Variants in PHF19 observed in about 807,000 individuals in gnomAD.
The protein encoded by PHF19 is PHD finger protein 19.
A neutral mutation model predicts 79.8 loss-of-function variants in PHF19; 21 were observed. The observed-to-expected ratio is 0.26, with a 90% CI of 0.19 to 0.38. The LOEUF (loss-of-function observed/expected upper bound fraction) is 0.38. Ranked by LOEUF, PHF19 falls within the 10% of genes least tolerant of loss-of-function variation. PHF19 has a pLI of 1.00. For synonymous variants in PHF19, 273 were observed against 296.3 expected, an observed-to-expected ratio of 0.92 and a Z score of 0.81; for missense variants, 445 against 744.2, an observed-to-expected ratio of 0.60 and a Z score of 4.68.
At chr9:120,875,979 C>A (rs1346461414) in intron 1 of PHF19, 1 of 152,644 alleles carries the variant, frequency 6.6e-6, no homozygotes, top group African/African-American at 2.4e-5. Flanking sequence ...GGCCATGGCG[C>A]TGGGCACCTG....
intron 6 of PHF19, among the ~76,000 whole-genome samples, chr9:120,867,717 CT>C (rs1249635513): frequency 6.6e-6 from 1 of 152,204 alleles, no homozygotes; most frequent in African/African-American, 2.4e-5. Flanking sequence ...GCTCATGGGC[CT>C]GAAGTTAAGG....
chr9:120,864,996 T>C (rs2045656729), intron 9 of PHF19, among the ~76,000 whole-genome samples: 1 of 152,180 alleles, frequency 6.6e-6, no homozygotes, highest in African/African-American at 2.4e-5. Flanking sequence ...ACTCTACGTA[T>C]CTTTTAAGGT....
At chr9:120,893,853 C>A (rs2046372004) in intron 1 of PHF19, among the ~76,000 whole-genome samples, 1 of 152,144 alleles carries the variant, frequency 6.6e-6, no homozygotes. Flanking sequence ...TCCCTAAGGG[C>A]CTAAAATTTA....
At chr9:120,877,542 G>A (rs938918998), upstream of PHF19, among the ~76,000 whole-genome samples, 6 of 151,892 alleles carry the variant, frequency 4.0e-5, no homozygotes, top group African/African-American at 1.4e-4. Context: ...GGAGACGCCA[G>A]GCAGCGCTCA....
At chr9:120,902,202 C>G in the PHF19 span, among the ~76,000 whole-genome samples, 2 of 152,156 alleles carry the variant, frequency 1.3e-5, no homozygotes, top group Non-Finnish European at 2.9e-5. Context: ...AGACTTCATC[C>G]TGATGCTCAG....
intron 3 of PHF19, among the ~76,000 whole-genome samples, chr9:120,873,593 T>C (rs2045964424): frequency 6.6e-6 from 1 of 152,246 alleles, no homozygotes; most frequent in Non-Finnish European, 1.5e-5. Flanking sequence ...CATCTAGAGC[T>C]GACAATTCTG....
At chr9:120,881,440 C>A (rs557534172), upstream of PHF19, among the ~76,000 whole-genome samples, 2 of 152,184 alleles carry the variant, frequency 1.3e-5, no homozygotes, top group South Asian at 4.1e-4. Context: ...AGTCACCGTG[C>A]CTGGCCCACA....
chr9:120,901,472 G>T, the PHF19 span, among the ~76,000 whole-genome samples: 1 of 152,176 alleles, frequency 6.6e-6, no homozygotes, highest in East Asian at 1.9e-4. Flanking sequence ...TGGGATTACA[G>T]GTGTGAGCCA....
intron 1 of PHF19, among the ~76,000 whole-genome samples, chr9:120,883,850 A>C (rs1290169596): frequency 6.6e-6 from 1 of 151,046 alleles, no homozygotes; most frequent in East Asian, 1.9e-4. Flanking sequence ...TAATTGTGGG[A>C]GGGTGTCGAG....
In PHF19 at chr9:120,869,353, G is replaced by A. The variant is rs1218867004; in HGVS notation, c.466-23C>T. 8 of 1,608,470 alleles carry A rather than the reference G, an allele frequency of 5.0e-6. No individual in the cohort carries two copies. The highest frequency in any genetic ancestry group is 5.9e-6 in the Non-Finnish European group (7 of 1,178,320). On this transcript the variant is annotated intron_variant, in intron 5 of 14. Transcript: ENST00000373896. This position sits in a 1 kb window ranked among gnomAD's most constrained non-coding sequence, Gnocchi z 5.8. Reference sequence around the variant, plus strand: ...TTTCTGGGGGGAGACGAGGGCCCCAGTCAACCACCAGGTCCGGGTGGACCA... The same window carrying A: ...TTTCTGGGGGGAGACGAGGGCCCCAATCAACCACCAGGTCCGGGTGGACCA...
intron 8 of PHF19, 88 bp downstream of exon 8, chr9:120,865,940 A>G: frequency 1.9e-6 from 3 of 1,582,614 alleles, no homozygotes; most frequent in South Asian, 1.1e-5. Flanking sequence ...GGGACCCAGT[A>G]GCTGGAAATG....
Position 120,887,323 on chromosome 9 carries a change from G to A in PHF19, c.42+7465C>T, listed in dbSNP as rs2900178. Among the ~76,000 whole-genome samples, 572 of 151,686 alleles carry A rather than the reference G, an allele frequency of 3.8e-3. 19 individuals are homozygous for A. Among genetic ancestry groups the A allele is most frequent in the Admixed American group, 0.035 (526 of 15,224 alleles). On this transcript the variant is annotated intron_variant, in intron 1 of 14. Transcript: ENST00000616568. ...TGCAAAATTAGCCAGTCGTGGTGGCGCGTGCCTGTAATCCCAGCTACTTGC... is the reference window on the plus strand; with the variant it reads ...TGCAAAATTAGCCAGTCGTGGTGGCACGTGCCTGTAATCCCAGCTACTTGC...
In PHF19 at chr9:120,889,815, A is replaced by AGAG. The variant is rs1564518990; in HGVS notation, c.42+4972_42+4973insCTC. Among the ~76,000 whole-genome samples, 94 of 100,750 alleles carry AGAG rather than the reference A, an allele frequency of 9.3e-4. 1 individual carries two copies. Among genetic ancestry groups the AGAG allele is most frequent in the African/African-American group, 3.6e-3 (92 of 25,678 alleles). 66.1% of individuals were successfully genotyped at this position (100,750 alleles called of 152,430 possible). A position where few individuals can be genotyped will look rare whatever the true frequency, so the allele number is the denominator to read the frequency against. The stretch of plus-strand genomic sequence containing the variant: ...AGAAAGGAAGAAAGAAAGAAAGAGA[A>AGAG]AGAAAAAAGAGAAAAAGAAAAAGAA... On this transcript the variant is annotated intron_variant, in intron 1 of 14. Coordinates refer to the PHF19 transcript ENST00000616568.
Position 120,862,887 on chromosome 9 carries a change from CT to C in PHF19, c.969-139del. On this transcript the variant is annotated intron_variant, in intron 10 of 14. Coordinates refer to ENST00000373896, the MANE Select transcript of PHF19 (RefSeq NM_015651.3). This position sits in a 1 kb window ranked among gnomAD's most constrained non-coding sequence, Gnocchi z 4.6. ...TCCGGATGGTCTCTGCAGATGCTGACTTCCTCAAAGCCCATGGGATGCGGGG... is the reference window on the plus strand; with the variant it reads ...TCCGGATGGTCTCTGCAGATGCTGACTCCTCAAAGCCCATGGGATGCGGGG... The C allele has an allele frequency of 1.3e-6, 1 of 778,124 alleles. No individual in the cohort carries two copies. Among genetic ancestry groups the C allele is most frequent in the African/African-American group, 1.7e-5 (1 of 58,434 alleles). 48.2% of individuals were successfully genotyped at this position (778,124 alleles called of 1,614,324 possible). A position where few individuals can be genotyped will look rare whatever the true frequency, so the allele number is the denominator to read the frequency against.
At chr9:120,863,670 C>A (rs1217182007) in intron 10 of PHF19, among the ~76,000 whole-genome samples, 2 of 152,112 alleles carry the variant, frequency 1.3e-5, no homozygotes, top group African/African-American at 4.8e-5. Flanking sequence ...GCTGTGTGTG[C>A]TGAGAACCCT....
rs980102060 is a variant in PHF19 at position 120,866,697 on chromosome 9, T to A, written c.710+173A>T. 6.6e-6 allele frequency among the ~76,000 whole-genome samples: 1 copy of A among 152,228 alleles called. No individual in the cohort carries two copies. Among genetic ancestry groups the A allele is most frequent in the Non-Finnish European group, 1.5e-5 (1 of 68,032 alleles). On this transcript the variant is annotated intron_variant, in intron 7 of 14. Transcript: ENST00000373896. This position sits in a 1 kb window ranked among gnomAD's most constrained non-coding sequence, Gnocchi z 5.2. ...ATACTTCTTTATTGCCTCCTGGCCCTGCATAGCTAGGGGATCCCCTACCTT... is the reference window on the plus strand; with the variant it reads ...ATACTTCTTTATTGCCTCCTGGCCCAGCATAGCTAGGGGATCCCCTACCTT...
At chr9:120,903,922 T>G in the PHF19 span, 4 of 152,238 alleles carry the variant, frequency 2.6e-5, no homozygotes, top group African/African-American at 9.7e-5. Flanking sequence ...CAAACCTGGC[T>G]CAGTACAAAC....
chr9:120,891,959 G>A lies in PHF19; in HGVS notation c.42+2829C>T, dbSNP rs2046348687. Among the ~76,000 whole-genome samples the A allele has an allele frequency of 6.6e-6, 1 of 152,186 alleles. No homozygotes were observed. The highest frequency in any genetic ancestry group is 2.4e-5 in the African/African-American group (1 of 41,444). ...AACCCCTGACGCCTTGCAGAGCCAG[G>A]TAGGAAAGTTCAAAGCAAAGAAAGG... On this transcript the variant is annotated intron_variant, in intron 1 of 14. Coordinates refer to the PHF19 transcript ENST00000616568. This position sits in a 1 kb window ranked among gnomAD's most constrained non-coding sequence, Gnocchi z 4.3.
chr9:120,874,729 C>A lies in PHF19; in HGVS notation c.13G>T (p.Ala5Ser). The change falls in exon 2 of 15, where the codon GCT (alanine) becomes TCT (serine). Residue 5 changes from alanine (A) to serine (S), a missense_variant. Around this residue, in one of 5 missense-constraint regions of PHF19, gnomAD observed 50 missense variants for 54.8 expected, o/e 0.91. Coordinates refer to ENST00000373896, the MANE Select transcript of PHF19 (RefSeq NM_015651.3). The surrounding 1 kb of genome is among the most constrained non-coding windows in gnomAD (Gnocchi z 4.5). ...GAGTCCCGAGTCCCTGGATCCAGAGCTCGATTCTCCATCAGCTTCCCCTGA... is the reference window on the plus strand; with the variant it reads ...GAGTCCCGAGTCCCTGGATCCAGAGATCGATTCTCCATCAGCTTCCCCTGA... MENR[A>S]LDPGTRDSYG... 6.2e-7 allele frequency: 1 copy of A among 1,613,036 alleles called. No homozygotes were observed. Among genetic ancestry groups the A allele is most frequent in the Non-Finnish European group, 8.5e-7 (1 of 1,179,174 alleles).
Sources: allele counts gnomAD v4.1 joint callset (sites outside exome capture counted in the v4.1 genomes callset), GRCh38; gene constraint gnomAD v4.1.1; regional missense constraint gnomAD v4.1.1; non-coding constraint Gnocchi (gnomAD v3.1); transcripts MANE v1.5; gene names NCBI Gene and HGNC (gene_info 2026-07-23, HGNC 2026-07-21).